PEX19: variants seen among roughly 807,000 people sequenced by gnomAD.
PEX19 encodes the protein peroxisomal biogenesis factor 19, also known as 33 kDa housekeeping protein.
A neutral mutation model predicts 36.3 loss-of-function variants in PEX19; 29 were observed. The ratio of observed to expected loss-of-function variants is 0.80; its 90% confidence interval spans 0.60 to 1.09. PEX19 has a LOEUF of 1.09. Ranked by LOEUF, PEX19 falls within the 50% of genes least tolerant of loss-of-function variation. The pLI is 0.00. For synonymous variants in PEX19, 141 were observed against 135.2 expected (o/e 1.04, Z -0.30); for missense variants, 396 against 368.1 (o/e 1.08, Z -0.62).
rs1249997378 is a variant in PEX19 at position 160,277,522 on chromosome 1, A to C, written c.*2029T>G. 2 of 455,178 alleles carry C rather than the reference A, an allele frequency of 4.4e-6. No individual in the cohort carries two copies. Among genetic ancestry groups the C allele is most frequent in the African/African-American group, 2.0e-5 (1 of 50,070 alleles). 28.2% of individuals were successfully genotyped at this position (455,178 alleles called of 1,614,324 possible). A position where few individuals can be genotyped will look rare whatever the true frequency, so the allele number is the denominator to read the frequency against. On this transcript the variant is annotated 3_prime_UTR_variant, in exon 8 of 8. Coordinates refer to ENST00000368072, the MANE Select transcript of PEX19 (RefSeq NM_002857.4). ...CCACCACAAGTCCTGGAATAATTCC[A>C]AAAGTTTTTGGAACAAAGTGTGACC...
Position 160,285,110 on chromosome 1 carries a change from C to T in PEX19, c.15G>A (p.Glu5=). Residue 5 remains glutamate (E), a synonymous_variant, in exon 1 of 8, where the codon GAG becomes GAA. Coordinates refer to ENST00000368072, the MANE Select transcript of PEX19 (RefSeq NM_002857.4). The part of the protein sequence containing the change: MAAA[E]EGCSVGAEAD... ...CTTCGGCCCCGACACTACAGCCTTC[C>T]TCAGCGGCGGCCATCTTGCTACCTC... is the stretch of plus-strand genomic sequence containing the variant. 1 of 1,614,016 alleles carries T rather than the reference C, an allele frequency of 6.2e-7. No individual in the cohort carries two copies.
rs1657565623 is a variant in PEX19, at chr1:160,277,038, C to T, written c.*2513G>A. The T allele has an allele frequency of 2.2e-6, 1 of 454,056 alleles. No homozygotes were observed. The highest frequency in any genetic ancestry group is 4.4e-6 in the Non-Finnish European group (1 of 226,770). 28.1% of individuals were successfully genotyped at this position (454,056 alleles called of 1,614,324 possible). The stretch of plus-strand genomic sequence containing the variant: ...GCTAGAGATGTCCTTACTAGTGACA[C>T]ATTCTTGCTGAAGAACAAGTTCTCT... On this transcript the variant is annotated 3_prime_UTR_variant, in exon 8 of 8. Coordinates refer to ENST00000368072, the MANE Select transcript of PEX19 (RefSeq NM_002857.4).
intron 1 of PEX19, among the ~76,000 whole-genome samples, chr1:160,284,414 G>A (rs1448754147): frequency 6.6e-6 from 1 of 152,200 alleles, no homozygotes; most frequent in Non-Finnish European, 1.5e-5. Flanking sequence ...CTCTGGGCAG[G>A]AAGTCAACAG....
At chr1:160,279,770 A>G (rs771333859) in intron 7 of PEX19, 31 bp downstream of exon 7, 36 of 1,605,768 alleles carry the variant, frequency 2.2e-5, no homozygotes, top group Non-Finnish European at 3.0e-5. Flanking sequence ...GGGGACTCAA[A>G]TTAAAATCTG....
In PEX19 at chr1:160,278,100, G is replaced by A. The variant is rs1197486816; in HGVS notation, c.*1451C>T. The stretch of plus-strand genomic sequence containing the variant: ...GAGACTTATCTTCTGAGTGAACCAG[G>A]ACAGCCAGCTGAGCTGACCAGAGTA... On this transcript the variant is annotated 3_prime_UTR_variant, in exon 8 of 8. Transcript: ENST00000368072. The A allele has an allele frequency of 1.4e-6, 1 of 702,490 alleles. No homozygotes were observed. The highest frequency in any genetic ancestry group is 2.6e-6 in the Non-Finnish European group (1 of 384,962). 43.5% of individuals were successfully genotyped at this position (702,490 alleles called of 1,614,324 possible).
chr1:160,281,528 CCT>C (rs1475086314), intron 5 of PEX19, among the ~76,000 whole-genome samples: 3 of 152,208 alleles, frequency 2.0e-5, no homozygotes, highest in Non-Finnish European at 4.4e-5. Context: ...CCTGCTGCCT[CCT>C]GAGTAGTTGC....
chr1:160,282,857 T>A, intron 3 of PEX19, 87 bp downstream of exon 3: 2 of 1,403,186 alleles, frequency 1.4e-6, no homozygotes, highest in South Asian at 1.2e-5. Context: ...ATGATTGCTA[T>A]CAACTTCACT....
intron 3 of PEX19, 87 bp from the exon 4 acceptor site, chr1:160,282,589 T>A (rs1657819026): frequency 4.1e-6 from 4 of 973,356 alleles, no homozygotes; most frequent in Non-Finnish European, 6.7e-6. Context: ...TATGAAGCAT[T>A]TACTAGTGAA....
Position 160,279,343 on chromosome 1 carries a change from G to C in PEX19, c.*208C>G. The C allele has an allele frequency of 1.4e-6, 1 of 691,180 alleles. No homozygotes were observed. Among genetic ancestry groups the C allele is most frequent in the Non-Finnish European group, 2.6e-6 (1 of 379,212 alleles). The allele number at this position is 691,180 out of a possible 1,614,324, so 42.8% of individuals were successfully genotyped here. ...AGTGGCAGAAACCACAATGGAGTAG[G>C]GTTCACAGAAATGGCCTGTGAAACA... On this transcript the variant is annotated 3_prime_UTR_variant, in exon 8 of 8. Transcript: ENST00000368072.
rs373136197 is a variant in PEX19, at chr1:160,282,060, T to G, written c.573A>C (p.Ser191=). 41 of 1,613,964 alleles carry G rather than the reference T, an allele frequency of 2.5e-5. No individual in the cohort carries two copies. The highest frequency in any genetic ancestry group is 3.1e-5 in the Non-Finnish European group (37 of 1,179,958). Residue 191 remains serine (S), a synonymous_variant, in exon 5 of 8, where the codon TCA becomes TCC. Transcript: ENST00000368072. ...NLLSKDVLYP[S]LKEITEKYPE... Reference sequence around the variant, plus strand: ...AAACCTTTTCTGTGATCTCCTTCAGTGATGGGTACAGCACATCCTTGGAGA... The same window carrying G: ...AAACCTTTTCTGTGATCTCCTTCAGGGATGGGTACAGCACATCCTTGGAGA...
Position 160,277,916 on chromosome 1 carries a change from T to C in PEX19, c.*1635A>G, listed in dbSNP as rs1188137779. The C allele has an allele frequency of 1.5e-6, 1 of 685,548 alleles. No homozygotes were observed. The highest frequency in any genetic ancestry group is 2.8e-5 in the East Asian group (1 of 35,754). 42.5% of individuals were successfully genotyped at this position (685,548 alleles called of 1,614,324 possible). On this transcript the variant is annotated 3_prime_UTR_variant, in exon 8 of 8. Transcript: ENST00000368072. ...TCCATGCTCTGGTAAGGTATAGGAG[T>C]TGGAATTTCCCAAATAGCCTGAGAC...
At chr1:160,281,998 T>C (rs113300311) in intron 5 of PEX19, 41 bp downstream of exon 5, 2 of 1,569,942 alleles carry the variant, frequency 1.3e-6, no homozygotes, top group Admixed American at 1.7e-5. Context: ...GTTGATGTGA[T>C]GGAAAATGAA....
chr1:160,281,906 C>T (rs1657784664), intron 5 of PEX19, 133 bp downstream of exon 5: 1 of 766,646 alleles, frequency 1.3e-6, no homozygotes, highest in Non-Finnish European at 2.3e-6. Context: ...ACTCTCCCTG[C>T]CTCAAATAAA....
rs1657657541 is a variant in PEX19 at position 160,279,175 on chromosome 1, G to T, written c.*376C>A. 1 of 459,152 alleles carries T rather than the reference G, an allele frequency of 2.2e-6. No homozygotes were observed. Among genetic ancestry groups the T allele is most frequent in the Admixed American group, 2.3e-5 (1 of 42,600 alleles). 28.4% of individuals were successfully genotyped at this position (459,152 alleles called of 1,614,324 possible). The stretch of plus-strand genomic sequence containing the variant: ...CCCCTCCTCCCCAGATCCAAGAGAG[G>T]GAGTAGAGACAAGGCACAAAGACCC... On this transcript the variant is annotated 3_prime_UTR_variant, in exon 8 of 8. Coordinates refer to ENST00000368072, the MANE Select transcript of PEX19 (RefSeq NM_002857.4).
At chr1:160,283,480 G>A (rs760126072) in intron 2 of PEX19, 50 bp downstream of exon 2, 1 of 1,369,392 alleles carries the variant, frequency 7.3e-7, no homozygotes, top group South Asian at 1.2e-5. Flanking sequence ...CCTCTGCTCA[G>A]GGCTGCATGC....
At position 160,282,158 on chromosome 1, in the gene PEX19, C is replaced by A. The variant is rs766423323; in HGVS notation, c.475G>T (p.Gly159Trp). ...CCATCCCCTTCGTCCATGCCTAGCC[C>A]CTCCATGGCCTTGGTCAGCTCTTCT... Reference protein sequence around the residue: ...SEEELTKAMEGLGMDEGDGEG... With the variant: ...SEEELTKAMEWLGMDEGDGEG... The change falls in exon 5 of 8, where the codon GGG (glycine) becomes TGG (tryptophan). Residue 159 changes from glycine (G) to tryptophan (W), a missense_variant. Gly to Trp is a radical substitution (Grantham distance 184, BLOSUM62 -2). Transcript: ENST00000368072. 1.9e-6 allele frequency: 3 copies of A among 1,614,012 alleles called. No homozygotes were observed. The highest frequency in any genetic ancestry group is 2.5e-6 in the Non-Finnish European group (3 of 1,180,026).
intron 1 of PEX19, 119 bp downstream of exon 1, chr1:160,284,936 C>A: frequency 1.2e-6 from 1 of 833,720 alleles, no homozygotes; most frequent in Non-Finnish European, 2.1e-6. Flanking sequence ...AGACTCTCCG[C>A]CCCCATTTAA....
Position 160,282,489 on chromosome 1 carries a change from G to T in PEX19, c.360C>A (p.Thr120=). 6.2e-7 allele frequency: 1 copy of T among 1,613,732 alleles called. No individual in the cohort carries two copies. Among genetic ancestry groups the T allele is most frequent in the Non-Finnish European group, 8.5e-7 (1 of 1,179,662 alleles). Reference sequence around the variant, plus strand: ...GGCAAGAAGTGAATTCTTGTTGGGAGGTCATATCACTGCCTAGGAGAGATT... The same window carrying T: ...GGCAAGAAGTGAATTCTTGTTGGGATGTCATATCACTGCCTAGGAGAGATT... ...EAAGRVGSDM[T]SQQEFTSCLK... is the part of the protein sequence containing the mutation. The change falls in exon 4 of 8, where the codon ACC becomes ACA. Residue 120 remains threonine, a synonymous_variant. Coordinates refer to ENST00000368072, the MANE Select transcript of PEX19 (RefSeq NM_002857.4).
rs753190773 is a variant in PEX19 at position 160,283,642 on chromosome 1, T to A, written c.71-3A>T. The A allele has an allele frequency of 1.9e-6, 3 of 1,609,284 alleles. No homozygotes were observed. Among genetic ancestry groups the A allele is most frequent in the South Asian group, 2.2e-5 (2 of 90,960 alleles). On this transcript the variant is annotated splice_polypyrimidine_tract_variant and splice_region_variant and intron_variant, in intron 1 of 7. Coordinates refer to ENST00000368072, the MANE Select transcript of PEX19 (RefSeq NM_002857.4). ...TTTATCGAAATCATCAAGAGCACCT[T>A]CAGAGACAAGAGACATGGTGTGTGT...
Sources: gnomAD v4.1 joint callset for allele counts (sites outside exome capture counted in the v4.1 genomes callset) on GRCh38, gnomAD v4.1.1 for gene constraint, MANE v1.5 for transcripts, NCBI Gene and HGNC (gene_info 2026-07-23, HGNC 2026-07-21) for gene names.